The following QTMAN variants were observed in gnomAD, a reference collection of about 807,000 sequenced individuals.
The protein encoded by QTMAN is tRNA-queuosine alpha-mannosyltransferase.
chr2:144,284,326 G>A, the QTMAN span, among the ~76,000 whole-genome samples: 1 of 151,758 alleles, frequency 6.6e-6, no homozygotes, highest in Non-Finnish European at 1.5e-5. Flanking sequence ...ATTATGTCTA[G>A]CAGAAAAAAA....
the QTMAN span, among the ~76,000 whole-genome samples, chr2:144,262,042 T>C: frequency 5.9e-5 from 9 of 152,246 alleles, no homozygotes; most frequent in South Asian, 2.1e-4. Flanking sequence ...GAAAGTAAGA[T>C]TGTAGACAGA....
At chr2:144,164,847 A>T in the QTMAN span, among the ~76,000 whole-genome samples, 1 of 152,214 alleles carries the variant, frequency 6.6e-6, no homozygotes, top group Non-Finnish European at 1.5e-5. Flanking sequence ...TGCCAAAATT[A>T]TACAGACTGC....
chr2:143,952,150 T>C, the QTMAN span: 27 of 815,704 alleles, frequency 3.3e-5, no homozygotes, highest in Non-Finnish European at 5.2e-5. Context: ...CTTTACTAAT[T>C]AAAAATGCAT....
chr2:144,101,329 C>T, the QTMAN span, among the ~76,000 whole-genome samples: 1 of 152,126 alleles, frequency 6.6e-6, no homozygotes, highest in African/African-American at 2.4e-5. Flanking sequence ...ACCTCTGACA[C>T]AAGAATCTCT....
the QTMAN span, among the ~76,000 whole-genome samples, chr2:144,109,154 G>T: frequency 1.3e-5 from 2 of 152,094 alleles, no homozygotes; most frequent in East Asian, 3.9e-4. Flanking sequence ...ATACTACAAG[G>T]CTACAGTAAC....
the QTMAN span, among the ~76,000 whole-genome samples, chr2:144,170,523 T>A: frequency 6.6e-6 from 1 of 152,144 alleles, no homozygotes; most frequent in Non-Finnish European, 1.5e-5. Flanking sequence ...AGATCTTTTA[T>A]AGTAGCTGCA....
the QTMAN span, among the ~76,000 whole-genome samples, chr2:144,314,177 C>G: frequency 1.3e-5 from 2 of 152,008 alleles, no homozygotes; most frequent in African/African-American, 2.4e-5. Context: ...GAATGGTAAA[C>G]AAATTACATA....
the QTMAN span, among the ~76,000 whole-genome samples, chr2:144,019,186 C>T: frequency 2.0e-5 from 3 of 152,010 alleles, no homozygotes; most frequent in South Asian, 2.1e-4. Context: ...ATTCCAGATA[C>T]GGCTTGAATG....
chr2:144,282,968 G>C, the QTMAN span, among the ~76,000 whole-genome samples: 3 of 152,226 alleles, frequency 2.0e-5, no homozygotes, highest in African/African-American at 7.2e-5. Flanking sequence ...CACGTGCTCA[G>C]AGTGGCACAC....
At chr2:144,232,884 G>A in the QTMAN span, among the ~76,000 whole-genome samples, 1 of 152,018 alleles carries the variant, frequency 6.6e-6, no homozygotes, top group African/African-American at 2.4e-5. Flanking sequence ...CACTCCTAAT[G>A]GTAGGGCACT....
At chr2:144,293,770 G>A in the QTMAN span, among the ~76,000 whole-genome samples, 6 of 152,128 alleles carry the variant, frequency 3.9e-5, no homozygotes, top group Admixed American at 6.5e-5. Context: ...TAAGCTAAAA[G>A]AAGAGTACAA....
At chr2:144,118,395 A>T in the QTMAN span, among the ~76,000 whole-genome samples, 1 of 152,224 alleles carries the variant, frequency 6.6e-6, no homozygotes, top group East Asian at 1.9e-4. Flanking sequence ...GAATGTAAAG[A>T]TTTATCCATA....
chr2:144,275,520 TAG>T, the QTMAN span, among the ~76,000 whole-genome samples: 1 of 152,222 alleles, frequency 6.6e-6, no homozygotes, highest in East Asian at 1.9e-4. Context: ...CTTTGTCCAC[TAG>T]ACTCTTAAGT....
At chr2:144,233,489 G>A in the QTMAN span, among the ~76,000 whole-genome samples, 1 of 152,162 alleles carries the variant, frequency 6.6e-6, no homozygotes, top group African/African-American at 2.4e-5. Context: ...GAAAGACTAA[G>A]GCTGCCTGCC....
chr2:144,145,658 C>T, the QTMAN span: 1 of 1,611,480 alleles, frequency 6.2e-7, no homozygotes. Flanking sequence ...CGTGAAAATA[C>T]AGAATCTTTT....
chr2:144,128,611 T>G, the QTMAN span, among the ~76,000 whole-genome samples: 1 of 151,976 alleles, frequency 6.6e-6, no homozygotes, highest in East Asian at 1.9e-4. Flanking sequence ...GTTTTTTCTC[T>G]TTGCTTCTAA....
the QTMAN span, among the ~76,000 whole-genome samples, chr2:144,115,413 A>G: frequency 6.6e-6 from 1 of 152,242 alleles, no homozygotes; most frequent in African/African-American, 2.4e-5. Context: ...AAACCATTCA[A>G]GGCTCCTCTT....
chr2:144,255,662 AG>A, the QTMAN span, among the ~76,000 whole-genome samples: 1 of 152,256 alleles, frequency 6.6e-6, no homozygotes. Flanking sequence ...GTATACAGAC[AG>A]GATCAGTTGT....
the QTMAN span, among the ~76,000 whole-genome samples, chr2:144,226,172 AAAAT>A: frequency 4.7e-4 from 71 of 152,332 alleles, no homozygotes; most frequent in Middle Eastern, 3.4e-3. Flanking sequence ...AAGACAGTAA[AAAAT>A]AAAGTGTGAG....
Sources: allele counts gnomAD v4.1 joint callset (sites outside exome capture counted in the v4.1 genomes callset), GRCh38; gene constraint gnomAD v4.1.1; transcripts MANE v1.5; gene names NCBI Gene and HGNC (gene_info 2026-07-23, HGNC 2026-07-21).